Variants in PSD3 observed in about 807,000 individuals in gnomAD.
PSD3 encodes the protein pleckstrin and Sec7 domain containing 3.
In PSD3, 49 loss-of-function variants were observed where a neutral mutation model predicts 105.5. That is an observed-to-expected ratio of 0.46 (90% CI 0.37 to 0.59). The LOEUF (loss-of-function observed/expected upper bound fraction) is 0.59, where lower values mean the gene tolerates loss of function less well. Among genes scored for constraint, PSD3 ranks in the 20% least tolerant of loss-of-function variants. PSD3 has a pLI of 0.00. For missense variants in PSD3, 1,561 were observed against 1,263.8 expected, an observed-to-expected ratio of 1.24 and a Z score of -3.57; for synonymous variants, 557 against 457.8, an observed-to-expected ratio of 1.22 and a Z score of -2.77.
upstream of PSD3, among the ~76,000 whole-genome samples, chr8:19,016,609 G>A (rs923347923): frequency 7.9e-5 from 12 of 152,102 alleles, no homozygotes; most frequent in African/African-American, 2.9e-4. Context: ...ATAATATTTT[G>A]TAGTAATAAA....
intron 1 of PSD3, among the ~76,000 whole-genome samples, chr8:19,069,630 C>G (rs916144472): frequency 6.6e-6 from 1 of 152,128 alleles, no homozygotes; most frequent in Non-Finnish European, 1.5e-5. Context: ...AGAACGTTTT[C>G]TACGATGTGC....
At chr8:18,869,052 T>C (rs1281029060) in intron 3 of PSD3, among the ~76,000 whole-genome samples, 2 of 152,116 alleles carry the variant, frequency 1.3e-5, no homozygotes, top group Non-Finnish European at 2.9e-5. Flanking sequence ...GGTTTGTTGT[T>C]TTTAAATACT....
chr8:18,745,155 A>T (rs1329538216), intron 9 of PSD3, among the ~76,000 whole-genome samples: 1 of 152,112 alleles, frequency 6.6e-6, no homozygotes, highest in Non-Finnish European at 1.5e-5. Context: ...TAAAGTTAGT[A>T]TTTTCCCCTC....
chr8:18,918,330 C>A (rs1320250196), intron 2 of PSD3, among the ~76,000 whole-genome samples: 2 of 152,180 alleles, frequency 1.3e-5, no homozygotes, highest in Admixed American at 1.3e-4. Context: ...CAGATGTCAC[C>A]TCTTCCAAGA....
intron 2 of PSD3, among the ~76,000 whole-genome samples, chr8:18,930,552 C>G (rs569010823): frequency 9.1e-4 from 137 of 149,776 alleles, no homozygotes; most frequent in Middle Eastern, 3.4e-3. Flanking sequence ...TCTTTAACTT[C>G]TTAACTAACT....
chr8:18,673,422 T>C (rs1430503987), intron 9 of PSD3, among the ~76,000 whole-genome samples: 2 of 152,232 alleles, frequency 1.3e-5, no homozygotes, highest in Non-Finnish European at 2.9e-5. Flanking sequence ...TATTTTGTTG[T>C]TGTTTACTCA....
chr8:18,998,027 G>C (rs1162467785), intron 1 of PSD3, among the ~76,000 whole-genome samples: 1 of 150,938 alleles, frequency 6.6e-6, no homozygotes, highest in African/African-American at 2.4e-5. Context: ...TGTCTGTTTT[G>C]TTGACCACTG....
chr8:18,592,725 C>T (rs544796257), intron 12 of PSD3, among the ~76,000 whole-genome samples: 33 of 152,148 alleles, frequency 2.2e-4, no homozygotes, highest in African/African-American at 7.7e-4. Context: ...AAAACACTTG[C>T]CACACAAGCA....
chr8:18,702,622 T>C, intron 9 of PSD3, among the ~76,000 whole-genome samples: 2 of 150,770 alleles, frequency 1.3e-5, no homozygotes, highest in African/African-American at 2.5e-5. Flanking sequence ...TTTCTTTCTT[T>C]CTTTTTTTGA....
At chr8:18,831,136 T>C (rs148428459) in intron 4 of PSD3, among the ~76,000 whole-genome samples, 1 of 143,604 alleles carries the variant, frequency 7.0e-6, no homozygotes, top group Non-Finnish European at 1.5e-5. Flanking sequence ...TGCACCTAAG[T>C]GCATAAAATA....
intron 9 of PSD3, chr8:18,734,337 A>C (rs1338515635): frequency 1.3e-5 from 2 of 152,228 alleles, no homozygotes; most frequent in African/African-American, 4.8e-5. Context: ...TGTCTGAAAA[A>C]CAGTATCTAA....
At chr8:18,667,240 T>A (rs1489549513) in intron 9 of PSD3, among the ~76,000 whole-genome samples, 2 of 152,132 alleles carry the variant, frequency 1.3e-5, no homozygotes, top group African/African-American at 4.8e-5. Context: ...AACTGATTGG[T>A]CCATTTTGAC....
chr8:18,971,276 G>A (rs1036632866), intron 1 of PSD3, among the ~76,000 whole-genome samples: 7 of 152,270 alleles, frequency 4.6e-5, no homozygotes, highest in Admixed American at 1.3e-4. Flanking sequence ...AGGCTCAGGC[G>A]GGAACAAGCA....
At chr8:18,604,177 G>A (rs764442044) in intron 11 of PSD3, among the ~76,000 whole-genome samples, 26 of 152,200 alleles carry the variant, frequency 1.7e-4, no homozygotes, top group Non-Finnish European at 3.2e-4. Context: ...CTGGATGAAT[G>A]GTTATGACCA....
chr8:18,778,275 A>G lies in PSD3; in HGVS notation c.2083-12737T>C, dbSNP rs111272778. ...TGATTTCTTTTTCAACTAGTTCATT[A>G]TTAGAGAATAGACACACTGCTGAGT... On this transcript the variant is annotated intron_variant, in intron 8 of 15. Coordinates refer to ENST00000327040, the MANE Select transcript of PSD3 (RefSeq NM_015310.4). Among the ~76,000 whole-genome samples, 600 of 152,276 alleles carry G rather than the reference A, an allele frequency of 3.9e-3. 6 individuals are homozygous for G. Among genetic ancestry groups the G allele is most frequent in the African/African-American group, 0.014 (577 of 41,566 alleles).
At chr8:18,570,005 C>T (rs866909709) in intron 14 of PSD3, among the ~76,000 whole-genome samples, 151 of 19,074 alleles carry the variant, frequency 7.9e-3, no homozygotes, top group Middle Eastern at 0.021. Flanking sequence ...AAAAAGAGCC[C>T]GCATCGCCAA....
intron 12 of PSD3, among the ~76,000 whole-genome samples, chr8:18,594,368 A>G (rs1396444972): frequency 9.0e-6 from 1 of 110,700 alleles, no homozygotes; most frequent in Non-Finnish European, 1.7e-5. Context: ...TATATAATAT[A>G]TAAATAATAT....
intron 4 of PSD3, among the ~76,000 whole-genome samples, chr8:18,845,257 T>C (rs1406804106): frequency 1.3e-5 from 2 of 152,220 alleles, no homozygotes; most frequent in Non-Finnish European, 2.9e-5. Context: ...ATCATAGATA[T>C]GACTTTGAAG....
chr8:18,619,415 C>A (rs995603928), intron 11 of PSD3, among the ~76,000 whole-genome samples: 1 of 152,114 alleles, frequency 6.6e-6, no homozygotes. Flanking sequence ...GAGGCCGAGG[C>A]AAGTGCATCA....
Sources: gnomAD v4.1 joint callset for allele counts (sites outside exome capture counted in the v4.1 genomes callset) on GRCh38, gnomAD v4.1.1 for gene constraint, MANE v1.5 for transcripts, NCBI Gene and HGNC (gene_info 2026-07-23, HGNC 2026-07-21) for gene names.